SPECC1: variants seen among roughly 807,000 people sequenced by gnomAD.
The protein encoded by SPECC1 is cytospin-B.
In SPECC1, 62 loss-of-function variants were observed where a neutral mutation model predicts 104.1. The observed-to-expected ratio is 0.60, with a 90% confidence interval of 0.49 to 0.74. The LOEUF is 0.74. Among genes scored for constraint, SPECC1 ranks in the 30% least tolerant of loss-of-function variants. The pLI is 0.00. For missense variants in SPECC1, 1,306 were observed against 1,310.5 expected, an observed-to-expected ratio of 1.00 and a Z score of 0.05; for synonymous variants, 513 against 501.6, an observed-to-expected ratio of 1.02 and a Z score of -0.30.
rs117288958 is a variant in SPECC1 at position 20,194,655 on chromosome 17, G to A, written c.284-9678G>A. Among the ~76,000 whole-genome samples the A allele has an allele frequency of 3.0e-3, 456 of 151,348 alleles. 18 individuals carry two copies. In the East Asian group the frequency reaches 0.084, roughly 28 times the overall value. On this transcript the variant is annotated intron_variant, in intron 3 of 14. Coordinates refer to ENST00000395527, the MANE Select transcript of SPECC1 (RefSeq NM_001243439.2). ...CTGAGTAGCTGGGACTACAGGTGGC[G>A]CCACCACGCCTAGCTACTTTTTTGT...
At chr17:20,258,673 C>A (rs2039919388) in intron 11 of SPECC1, among the ~76,000 whole-genome samples, 2 of 152,206 alleles carry the variant, frequency 1.3e-5, no homozygotes, top group Non-Finnish European at 2.9e-5. Flanking sequence ...AGAACATGAC[C>A]ATGTCTGATT....
At chr17:20,175,512 A>T (rs1004403192) in intron 3 of SPECC1, among the ~76,000 whole-genome samples, 4 of 152,084 alleles carry the variant, frequency 2.6e-5, no homozygotes, top group African/African-American at 9.7e-5. Context: ...TATTCATTTC[A>T]GTATTCTTAG....
At chr17:20,043,415 C>T (rs1036633585) in intron 1 of SPECC1, among the ~76,000 whole-genome samples, 3 of 152,188 alleles carry the variant, frequency 2.0e-5, no homozygotes, top group African/African-American at 7.2e-5. Flanking sequence ...TTTTCTAATT[C>T]TCTCATTTCC....
chr17:20,119,907 A>G (rs2048944784), intron 3 of SPECC1, among the ~76,000 whole-genome samples: 2 of 152,234 alleles, frequency 1.3e-5, no homozygotes. Flanking sequence ...TGTTTTGAGC[A>G]CTGACATGAT....
chr17:20,110,309 G>A (rs2048421463), intron 2 of SPECC1, 118 bp from the exon 3 acceptor site: 2 of 1,218,816 alleles, frequency 1.6e-6, no homozygotes, highest in South Asian at 1.5e-5. Context: ...TACTCAAAGT[G>A]CTGTTATTGT....
chr17:20,301,155 C>T (rs182216030), intron 13 of SPECC1, among the ~76,000 whole-genome samples: 303 of 152,176 alleles, frequency 2.0e-3, no homozygotes, highest in African/African-American at 6.9e-3. Flanking sequence ...ATCACAGTTA[C>T]GGGTGTGGGT....
chr17:20,135,785 A>AT (rs2049882772), intron 3 of SPECC1, among the ~76,000 whole-genome samples: 1 of 152,184 alleles, frequency 6.6e-6, no homozygotes, highest in South Asian at 2.1e-4. Flanking sequence ...ATTGCAGGGA[A>AT]TTACATTAGG....
At chr17:20,199,173 G>A (rs541212222) in intron 3 of SPECC1, among the ~76,000 whole-genome samples, 4 of 136,234 alleles carry the variant, frequency 2.9e-5, no homozygotes, top group Admixed American at 8.5e-5. Context: ...TGCACCCTTC[G>A]TCTCCTGGGT....
chr17:20,302,270 TGTCCTGGAACTGGAAG>T (rs1247855387), intron 13 of SPECC1, among the ~76,000 whole-genome samples: 2 of 152,238 alleles, frequency 1.3e-5, no homozygotes, highest in African/African-American at 4.8e-5. Context: ...GCACTTAGGC[TGTCCTGGAACTGGAAG>T]GTCCCAGGCC....
At chr17:20,137,108 T>G (rs1409331575) in intron 3 of SPECC1, among the ~76,000 whole-genome samples, 1 of 152,268 alleles carries the variant, frequency 6.6e-6, no homozygotes, top group Admixed American at 6.5e-5. Context: ...CAGACTGCTT[T>G]CCGAGATTTC....
chr17:20,259,045 A>G (rs2039935058), intron 11 of SPECC1, among the ~76,000 whole-genome samples: 1 of 152,272 alleles, frequency 6.6e-6, no homozygotes, highest in Admixed American at 6.5e-5. Flanking sequence ...TTAATATACA[A>G]AATTGGCTAG....
At chr17:20,156,885 T>A (rs914553890) in intron 3 of SPECC1, among the ~76,000 whole-genome samples, 1 of 152,024 alleles carries the variant, frequency 6.6e-6, no homozygotes, top group Non-Finnish European at 1.5e-5. Context: ...ACGAAACATT[T>A]CTGGACTGTC....
At chr17:20,107,861 A>G (rs1165697680) in intron 2 of SPECC1, among the ~76,000 whole-genome samples, 1 of 152,116 alleles carries the variant, frequency 6.6e-6, no homozygotes, top group African/African-American at 2.4e-5. Flanking sequence ...TTTTTAAAAA[A>G]TTAGCCAGGC....
chr17:20,074,510 C>T (rs2046680991), intron 1 of SPECC1, among the ~76,000 whole-genome samples: 1 of 152,194 alleles, frequency 6.6e-6, no homozygotes, highest in African/African-American at 2.4e-5. Context: ...CCCACTGACT[C>T]TAATTTCCTA....
chr17:20,268,925 G>A (rs929297262), intron 12 of SPECC1, among the ~76,000 whole-genome samples: 1 of 152,198 alleles, frequency 6.6e-6, no homozygotes, highest in African/African-American at 2.4e-5. Flanking sequence ...AGGAATAAAA[G>A]TGGCTTTCTG....
chr17:20,043,909 A>G (rs538252867), intron 1 of SPECC1, among the ~76,000 whole-genome samples: 3 of 152,252 alleles, frequency 2.0e-5, no homozygotes, highest in Admixed American at 1.3e-4. Flanking sequence ...TTCATGTGAC[A>G]GTGATTTGTG....
At chr17:20,037,039 A>T (rs886850959) in intron 1 of SPECC1, among the ~76,000 whole-genome samples, 1 of 152,096 alleles carries the variant, frequency 6.6e-6, no homozygotes, top group Non-Finnish European at 1.5e-5. Context: ...ATTTTGGCAA[A>T]TGCTTTTTTC....
At chr17:20,177,357 T>G (rs1278549788) in intron 3 of SPECC1, among the ~76,000 whole-genome samples, 1 of 152,204 alleles carries the variant, frequency 6.6e-6, no homozygotes, top group African/African-American at 2.4e-5. Flanking sequence ...GCTTTTCAAT[T>G]ATAAATTTTT....
At chr17:20,188,368 C>T (rs1214948768) in intron 3 of SPECC1, among the ~76,000 whole-genome samples, 1 of 151,826 alleles carries the variant, frequency 6.6e-6, no homozygotes, top group Non-Finnish European at 1.5e-5. Flanking sequence ...AAGTGATTCT[C>T]CTGTCTAAGC....
Sources: allele counts gnomAD v4.1 joint callset (sites outside exome capture counted in the v4.1 genomes callset), GRCh38; gene constraint gnomAD v4.1.1; transcripts MANE v1.5; gene names NCBI Gene and HGNC (gene_info 2026-07-23, HGNC 2026-07-21).